TRIO: variants seen among roughly 807,000 people sequenced by gnomAD.
TRIO encodes the protein trio Rho guanine nucleotide exchange factor, also known as triple functional domain protein.
Under a neutral mutation model 351.9 loss-of-function variants are expected in TRIO, and 58 were observed. The ratio of observed to expected loss-of-function variants is 0.16; its 90% confidence interval spans 0.13 to 0.21. The LOEUF is 0.21. Ranked by LOEUF, TRIO falls within the 10% of genes least tolerant of loss-of-function variation. The pLI, the probability that TRIO is intolerant of heterozygous loss-of-function variation, is 1.00. For missense variants in TRIO, 3,201 were observed against 4,027.8 expected (o/e 0.79, Z 5.56); for synonymous variants, 1,758 against 1,595.7 (o/e 1.10, Z -2.42).
At chr5:14,454,036 T>C (rs1753049543) in intron 34 of TRIO, among the ~76,000 whole-genome samples, 1 of 151,910 alleles carries the variant, frequency 6.6e-6, no homozygotes, top group Admixed American at 6.6e-5. Flanking sequence ...TTCAAGCGAC[T>C]CTCCTGCCTC....
In TRIO at chr5:14,509,606, T is replaced by C. The variant is rs1757957402; in HGVS notation, c.*1184T>C. The C allele has an allele frequency of 9.1e-6, 3 of 328,088 alleles. No individual in the cohort carries two copies. The East Asian group carries it at 2.9e-4, about 31-fold the overall frequency. 20.3% of individuals were successfully genotyped at this position (328,088 alleles called of 1,614,324 possible). ...AAATCAGTCTGGACATTTACTACTT[T>C]TTAGACTTTTTGACGTTGAACTTTC... On this transcript the variant is annotated 3_prime_UTR_variant, in exon 57 of 57. Transcript: ENST00000344204.
At chr5:14,355,728 A>G (rs900263710) in intron 11 of TRIO, among the ~76,000 whole-genome samples, 5 of 152,238 alleles carry the variant, frequency 3.3e-5, no homozygotes, top group African/African-American at 1.2e-4. Context: ...GAGGAAAACA[A>G]AAGAACAAGA....
chr5:14,306,604 G>A (rs1738396463), intron 8 of TRIO, among the ~76,000 whole-genome samples: 1 of 152,256 alleles, frequency 6.6e-6, no homozygotes, highest in Non-Finnish European at 1.5e-5. Flanking sequence ...TGGGCTTGCA[G>A]CCAGCTGTCT....
intron 34 of TRIO, among the ~76,000 whole-genome samples, chr5:14,428,153 T>C (rs1238012660): frequency 6.6e-6 from 1 of 152,212 alleles, no homozygotes; most frequent in Non-Finnish European, 1.5e-5. Flanking sequence ...AAACTGCTTA[T>C]AACATTTCCG....
intron 37 of TRIO, among the ~76,000 whole-genome samples, chr5:14,468,221 A>C (rs1160849853): frequency 6.6e-6 from 1 of 152,250 alleles, no homozygotes; most frequent in Non-Finnish European, 1.5e-5. Context: ...TGAAGAATTA[A>C]ACTTTCTCGG....
At chr5:14,389,779 AG>A (rs1474171267) in intron 25 of TRIO, among the ~76,000 whole-genome samples, 1 of 152,168 alleles carries the variant, frequency 6.6e-6, no homozygotes, top group Non-Finnish European at 1.5e-5. Flanking sequence ...AAGGAACTGA[AG>A]AAGCAACAGA....
chr5:14,501,003 C>G (rs1757257128), intron 53 of TRIO, among the ~76,000 whole-genome samples: 1 of 148,378 alleles, frequency 6.7e-6, no homozygotes, highest in South Asian at 2.1e-4. Flanking sequence ...TTGGTGGTCA[C>G]AGAGTCGCCA....
At chr5:14,391,994 A>G (rs1747124185) in intron 27 of TRIO, among the ~76,000 whole-genome samples, 1 of 152,252 alleles carries the variant, frequency 6.6e-6, no homozygotes, top group African/African-American at 2.4e-5. Flanking sequence ...GCCATCAGAC[A>G]AAATTCAGCA....
chr5:14,145,904 GGGTCAGAACCA>G (rs1245823756), intron 1 of TRIO, among the ~76,000 whole-genome samples: 2 of 152,128 alleles, frequency 1.3e-5, no homozygotes, highest in African/African-American at 4.8e-5. Context: ...TGTTCCGTTT[GGGTCAGAACCA>G]GGTAATGTCT....
In TRIO at chr5:14,336,713, A is replaced by T; in HGVS notation, c.2032A>T (p.Thr678Ser). 6.2e-7 allele frequency: 1 copy of T among 1,614,076 alleles called. No individual in the cohort carries two copies. The highest frequency in any genetic ancestry group is 8.5e-7 in the Non-Finnish European group (1 of 1,180,004). ...ACTGGACATGTCAGTGTCCTTTCAC[A>T]CCCATGTGAAAGAGGTAAGGTGCCA... ...ILLDMSVSFH[T>S]HVKELWTWLE... The change falls in exon 11 of 57, where the codon ACC becomes TCC. Residue 678 changes from threonine (T) to serine (S), a missense_variant. Thr to Ser is a moderately conservative substitution (Grantham distance 58). This residue lies in a region of TRIO where 363 missense variants were observed against 553.5 expected (regional missense o/e 0.66). Coordinates refer to ENST00000344204, the MANE Select transcript of TRIO (RefSeq NM_007118.4).
At chr5:14,205,489 G>C (rs1422960313) in intron 1 of TRIO, among the ~76,000 whole-genome samples, 1 of 152,168 alleles carries the variant, frequency 6.6e-6, no homozygotes, top group African/African-American at 2.4e-5. Context: ...TGTATCTGAA[G>C]TTCCTTGGCC....
At chr5:14,420,207 C>T (rs1750003106) in intron 34 of TRIO, 186 bp downstream of exon 34, 2 of 863,464 alleles carry the variant, frequency 2.3e-6, no homozygotes, top group Non-Finnish European at 3.5e-6. Flanking sequence ...GAGGATTTCA[C>T]CCACGACTCA....
chr5:14,334,053 C>G (rs898779446), intron 10 of TRIO, among the ~76,000 whole-genome samples: 1 of 152,236 alleles, frequency 6.6e-6, no homozygotes, highest in Non-Finnish European at 1.5e-5. Context: ...GTTGTTTTAA[C>G]AATCCCAGCT....
At chr5:14,336,432 CA>C in intron 10 of TRIO, 103 bp from the exon 11 acceptor site, 3 of 1,228,346 alleles carry the variant, frequency 2.4e-6, no homozygotes, top group Non-Finnish European at 3.5e-6. Context: ...TGTAAGTGAT[CA>C]AAAATATCAC....
intron 1 of TRIO, among the ~76,000 whole-genome samples, chr5:14,202,306 T>G (rs1791179821): frequency 1.2e-5 from 1 of 86,156 alleles, no homozygotes; most frequent in Non-Finnish European, 2.3e-5. Flanking sequence ...TTTTTTTTTT[T>G]TTTTTTTTTT....
intron 1 of TRIO, among the ~76,000 whole-genome samples, chr5:14,253,633 G>A (rs1181231548): frequency 2.0e-5 from 3 of 152,172 alleles, no homozygotes; most frequent in Admixed American, 2.0e-4. Context: ...ATGAACTCCC[G>A]CACCTGGCCA....
chr5:14,187,992 C>T (rs1790228113), intron 1 of TRIO, among the ~76,000 whole-genome samples: 1 of 152,148 alleles, frequency 6.6e-6, no homozygotes, highest in African/African-American at 2.4e-5. Flanking sequence ...ATGGGAAACC[C>T]GGATGTCTTT....
At chr5:14,235,943 G>A (rs912930581) in intron 1 of TRIO, among the ~76,000 whole-genome samples, 36 of 152,044 alleles carry the variant, frequency 2.4e-4, no homozygotes, top group Admixed American at 5.2e-4. Flanking sequence ...TGGATTACAG[G>A]TGTGAGCCAC....
chr5:14,403,904 G>A (rs1313238973), intron 31 of TRIO, among the ~76,000 whole-genome samples: 2 of 146,804 alleles, frequency 1.4e-5, no homozygotes, highest in Non-Finnish European at 3.0e-5. Flanking sequence ...GGTGCAGGTG[G>A]TGGTGGTGAG....
Sources: gnomAD v4.1 joint callset for allele counts (sites outside exome capture counted in the v4.1 genomes callset) on GRCh38, gnomAD v4.1.1 for gene constraint, gnomAD v4.1.1 regional missense constraint, MANE v1.5 for transcripts, NCBI Gene and HGNC (gene_info 2026-07-23, HGNC 2026-07-21) for gene names.